Variants in PSMA7 observed in about 807,000 individuals in gnomAD.
The protein encoded by PSMA7 is proteasome subunit alpha type-7.
PSMA7 carries 5 observed loss-of-function variants against 31.3 expected under a neutral mutation model. That is an observed-to-expected ratio of 0.16 (90% CI 0.08 to 0.34). PSMA7 has a LOEUF of 0.34. PSMA7 is among the 10% of genes least tolerant of loss of function. PSMA7 has a pLI of 1.00. For synonymous variants in PSMA7, 155 were observed against 121.9 expected (o/e 1.27, Z -1.79); for missense variants, 217 against 327.5 (o/e 0.66, Z 2.60).
At position 62,143,217 on chromosome 20, in the gene PSMA7, G is replaced by T; in HGVS notation, c.87C>A (p.Gly29=). ...VEYAQEAVKK[G]STAVGVRGRD... ...GGCCCCGCCGCCTCACCGCGGTCGA[G>T]CCCTTCTTGACGGCCTCCTGCGCGT... The change falls in exon 1 of 7, where the codon GGC becomes GGA. Residue 29 remains glycine (G), a synonymous_variant. Transcript: ENST00000370873. The T allele has an allele frequency of 7.0e-7, 1 of 1,431,042 alleles. No homozygotes were observed. The highest frequency in any genetic ancestry group is 1.3e-5 in the South Asian group (1 of 79,624). The allele number at this position is 1,431,042 out of a possible 1,614,324, so 88.6% of individuals were successfully genotyped here.
At chr20:62,137,168 G>A (rs935311925) in intron 6 of PSMA7, among the ~76,000 whole-genome samples, 196 bp downstream of exon 6, 6 of 152,194 alleles carry the variant, frequency 3.9e-5, no homozygotes, top group African/African-American at 1.4e-4. Flanking sequence ...AGCATGCCCA[G>A]AGAACACGCG....
chr20:62,141,051 CTT>C (rs1227771242), intron 1 of PSMA7, 107 bp from the exon 2 acceptor site: 1 of 1,403,328 alleles, frequency 7.1e-7, no homozygotes, highest in Admixed American at 1.8e-5. Context: ...GGGTGGATGA[CTT>C]AAATTCAAGA....
In PSMA7 at chr20:62,138,126, C is replaced by T. The variant is rs746769807; in HGVS notation, c.591+45G>A. On this transcript the variant is annotated intron_variant, in intron 5 of 6. Transcript: ENST00000370873. ...ATCTACCTACCACTCACCACCAAAA[C>T]GTGGTATCTTCACCACCTTGCCTGG... 9.3e-6 allele frequency: 15 copies of T among 1,613,194 alleles called. No homozygotes were observed. The African/African-American group carries it at 1.5e-4, about 16-fold the overall frequency.
intron 2 of PSMA7, 83 bp from the exon 3 acceptor site, chr20:62,139,988 C>T: frequency 1.3e-6 from 2 of 1,509,262 alleles, no homozygotes; most frequent in Non-Finnish European, 1.8e-6. Flanking sequence ...CAGCATTTAA[C>T]CTTCCACAGA....
intron 2 of PSMA7, 123 bp downstream of exon 2, chr20:62,140,695 A>T: frequency 1.6e-6 from 2 of 1,259,478 alleles, no homozygotes; most frequent in Non-Finnish European, 2.2e-6. Flanking sequence ...CAATTCTTTT[A>T]AATGATTTTC....
In PSMA7 at chr20:62,140,901, T is replaced by C; in HGVS notation, c.140A>G (p.Lys47Arg). 6.2e-7 allele frequency: 1 copy of C among 1,614,236 alleles called. No homozygotes were observed. The highest frequency in any genetic ancestry group is 1.7e-5 in the Admixed American group (1 of 60,030). The change falls in exon 2 of 7, where the codon AAG becomes AGG. Residue 47 changes from lysine (K) to arginine (R), a missense_variant. Lys to Arg is a conservative substitution (Grantham distance 26, BLOSUM62 2). Transcript: ENST00000370873. ...GRDIVVLGVE[K>R]KSVAKLQDER... ...ATCCTGCAGTTTGGCCACTGACTTC[T>C]TCTCCACACCAAGAACAACAATGTC...
At chr20:62,137,449 G>C in intron 5 of PSMA7, 23 bp from the exon 6 acceptor site, 2 of 1,611,676 alleles carry the variant, frequency 1.2e-6, no homozygotes, top group Middle Eastern at 1.7e-4. Context: ...GAAGACAGGA[G>C]CATTAACCAC....
intron 2 of PSMA7, among the ~76,000 whole-genome samples, chr20:62,140,197 G>C (rs1410874432): frequency 3.3e-5 from 5 of 152,194 alleles, no homozygotes; most frequent in Non-Finnish European, 5.9e-5. Flanking sequence ...AAAAATTGTA[G>C]GCTGCCGTGC....
At chr20:62,139,385 C>T (rs1225721321) in intron 3 of PSMA7, 188 bp from the exon 4 acceptor site, 7 of 783,502 alleles carry the variant, frequency 8.9e-6, no homozygotes, top group Non-Finnish European at 1.4e-5. Context: ...CCTAGAAAAA[C>T]TCACCTAGGA....
chr20:62,140,747 A>G (rs1295412613), intron 2 of PSMA7, 71 bp downstream of exon 2: 3 of 1,561,076 alleles, frequency 1.9e-6, no homozygotes, highest in African/African-American at 2.7e-5. Context: ...CACACACCCA[A>G]GTTAATCTCC....
At chr20:62,140,431 C>T (rs1028042338) in intron 2 of PSMA7, among the ~76,000 whole-genome samples, 3 of 152,210 alleles carry the variant, frequency 2.0e-5, no homozygotes, top group Admixed American at 2.0e-4. Flanking sequence ...CGAGGCATGG[C>T]CTGCATCCAC....
intron 6 of PSMA7, 63 bp from the exon 7 acceptor site, chr20:62,137,012 TCTG>T: frequency 6.4e-7 from 1 of 1,571,402 alleles, no homozygotes; most frequent in Non-Finnish European, 8.6e-7. Context: ...AGCGCCCTCT[TCTG>T]GGGAGGGCGG....
rs12041 is a variant in PSMA7, at chr20:62,138,227, C to T, written c.535G>A (p.Glu179Lys). ...REFLEKNYTD[E>K]AIETDDLTIK... ...GTCAGATCATCTGTTTCAATGGCTT[C>T]GTCAGTATAGTTCTTCTCCAGGAAC... is the stretch of plus-strand genomic sequence containing the variant. Residue 179 changes from glutamate to lysine, a missense_variant, in exon 5 of 7, where the codon GAA (glutamate) becomes AAA (lysine). Glu to Lys is a moderately conservative substitution (Grantham distance 56). This residue lies in a region of PSMA7 where 88 missense variants were observed against 111.6 expected (regional missense o/e 0.79). Coordinates refer to ENST00000370873, the MANE Select transcript of PSMA7 (RefSeq NM_002792.4). 52 of 1,614,054 alleles carry T rather than the reference C, an allele frequency of 3.2e-5. No individual in the cohort carries two copies. The highest frequency in any genetic ancestry group is 8.3e-5 in the Admixed American group (5 of 60,004).
chr20:62,140,928 C>T lies in PSMA7; in HGVS notation c.113G>A (p.Arg38Lys), dbSNP rs777409114. Residue 38 changes from arginine to lysine, a missense_variant, in exon 2 of 7, where the codon AGA (arginine) becomes AAA (lysine). Coordinates refer to ENST00000370873, the MANE Select transcript of PSMA7 (RefSeq NM_002792.4). The stretch of plus-strand genomic sequence containing the variant: ...CTCCACACCAAGAACAACAATGTCT[C>T]TTCCTCGAACACCAACCTTTAATTA... ...KGSTAVGVRG[R>K]DIVVLGVEKK... 11 of 1,614,200 alleles carry T rather than the reference C, an allele frequency of 6.8e-6. No individual in the cohort carries two copies. The highest frequency in any genetic ancestry group is 8.5e-6 in the Non-Finnish European group (10 of 1,180,038).
At chr20:62,140,729 C>G in intron 2 of PSMA7, 89 bp downstream of exon 2, 3 of 1,490,694 alleles carry the variant, frequency 2.0e-6, no homozygotes, top group Non-Finnish European at 2.8e-6. Context: ...ATATGGCTCA[C>G]AATAGCCCAC....
intron 4 of PSMA7, 131 bp from the exon 5 acceptor site, chr20:62,138,421 C>G (rs2056907772): frequency 8.4e-7 from 1 of 1,189,950 alleles, no homozygotes; most frequent in Admixed American, 2.6e-5. Flanking sequence ...TGCTGGACAG[C>G]AGCTGTGGAC....
At position 62,143,320 on chromosome 20, in the gene PSMA7, CG is replaced by C; in HGVS notation, c.-18del. ...GTAGCTCATGCCGGCGGGCGGCGGC[CG>C]GGCTCCTTCCGCCGCGACTCTCAAA... On this transcript the variant is annotated 5_prime_UTR_variant, in exon 1 of 7. Coordinates refer to ENST00000370873, the MANE Select transcript of PSMA7 (RefSeq NM_002792.4). 1 of 1,378,022 alleles carries C rather than the reference CG, an allele frequency of 7.3e-7. No homozygotes were observed. The allele number at this position is 1,378,022 out of a possible 1,614,324, so 85.4% of individuals were successfully genotyped here.
At position 62,143,368 on chromosome 20, in the gene PSMA7, C is replaced by T. The variant is rs543538621; in HGVS notation, c.-65G>A. ...CAAAAGCGCACACTCACGGCCCGCG[C>T]GCACCCGCGACTCCCGGCGCCACTA... On this transcript the variant is annotated 5_prime_UTR_variant, in exon 1 of 7. Coordinates refer to ENST00000370873, the MANE Select transcript of PSMA7 (RefSeq NM_002792.4). 44 of 957,264 alleles carry T rather than the reference C, an allele frequency of 4.6e-5. No homozygotes were observed. In the Middle Eastern group the frequency reaches 1.6e-3, roughly 34 times the overall value. The allele number at this position is 957,264 out of a possible 1,614,324, so 59.3% of individuals were successfully genotyped here.
intron 1 of PSMA7, 91 bp from the exon 2 acceptor site, chr20:62,141,035 T>G: frequency 1.3e-6 from 2 of 1,486,170 alleles, no homozygotes; most frequent in Middle Eastern, 1.7e-4. Context: ...TTTGGGAGGC[T>G]GAGGTGGGTG....
Sources: allele counts gnomAD v4.1 joint callset (sites outside exome capture counted in the v4.1 genomes callset), GRCh38; gene constraint gnomAD v4.1.1; regional missense constraint gnomAD v4.1.1; transcripts MANE v1.5; gene names NCBI Gene and HGNC (gene_info 2026-07-23, HGNC 2026-07-21).